Variants in ALK observed in about 807,000 individuals in gnomAD.
The protein encoded by ALK is ALK receptor tyrosine kinase.
In ALK, 74 loss-of-function variants were observed where a neutral mutation model predicts 163.1. The observed-to-expected ratio is 0.45, with a 90% CI of 0.38 to 0.55. ALK has a LOEUF of 0.55. Ranked by LOEUF, ALK falls within the 20% of genes least tolerant of loss-of-function variation. ALK has a pLI of 0.00. For synonymous variants in ALK, 960 were observed against 843.2 expected, an observed-to-expected ratio of 1.14 and a Z score of -2.40; for missense variants, 2,063 against 2,105.3, an observed-to-expected ratio of 0.98 and a Z score of 0.39.
chr2:29,210,827 A>C (rs1314056000), intron 24 of ALK, among the ~76,000 whole-genome samples: 1 of 152,100 alleles, frequency 6.6e-6, no homozygotes, highest in African/African-American at 2.4e-5. Context: ...TCTGCTGTTG[A>C]CTATAGATGA....
intron 1 of ALK, among the ~76,000 whole-genome samples, chr2:29,770,819 G>A (rs1422432198): frequency 6.6e-6 from 1 of 151,896 alleles, no homozygotes; most frequent in South Asian, 2.1e-4. Flanking sequence ...AATAATGAGA[G>A]TGCCAGAAAG....
intron 3 of ALK, among the ~76,000 whole-genome samples, chr2:29,672,938 C>G (rs1198485332): frequency 1.2e-3 from 152 of 132,034 alleles, no homozygotes; most frequent in African/African-American, 4.6e-3. Flanking sequence ...TGATGATGAG[C>G]ATTTTTTCAT....
intron 1 of ALK, among the ~76,000 whole-genome samples, chr2:29,770,517 A>G (rs760645295): frequency 3.3e-5 from 5 of 152,254 alleles, no homozygotes; most frequent in Non-Finnish European, 7.3e-5. Context: ...AAATATGGCA[A>G]TCAAATCAAG....
At chr2:29,516,707 T>A (rs1672675515) in intron 4 of ALK, among the ~76,000 whole-genome samples, 1 of 152,176 alleles carries the variant, frequency 6.6e-6, no homozygotes, top group African/African-American at 2.4e-5. Flanking sequence ...ATTTGTGAAA[T>A]GGGGATAATA....
At chr2:29,206,997 T>G (rs565513298) in intron 26 of ALK, among the ~76,000 whole-genome samples, 174 bp downstream of exon 26, 3 of 152,338 alleles carry the variant, frequency 2.0e-5, no homozygotes, top group African/African-American at 7.2e-5. Context: ...TTAACAAGTC[T>G]TTATGAATTC....
chr2:29,792,962 T>C (rs1207074272), intron 1 of ALK, among the ~76,000 whole-genome samples: 1 of 152,206 alleles, frequency 6.6e-6, no homozygotes, highest in East Asian at 1.9e-4. Context: ...TAATGAAGTT[T>C]GTTGCATCCA....
chr2:29,687,386 T>C (rs1678269691), intron 3 of ALK, among the ~76,000 whole-genome samples: 1 of 152,128 alleles, frequency 6.6e-6, no homozygotes, highest in Non-Finnish European at 1.5e-5. Flanking sequence ...CCTGCTTGTC[T>C]GTCTGCTTGC....
chr2:29,625,384 A>G (rs1676163060), intron 3 of ALK, among the ~76,000 whole-genome samples: 1 of 152,232 alleles, frequency 6.6e-6, no homozygotes, highest in Non-Finnish European at 1.5e-5. Flanking sequence ...GCATTTTCCC[A>G]AAAGCTTTCC....
chr2:29,299,639 G>C (rs1328431131), intron 8 of ALK, among the ~76,000 whole-genome samples: 2 of 152,314 alleles, frequency 1.3e-5, no homozygotes, highest in East Asian at 3.9e-4. Context: ...CTGAAGCATG[G>C]AGGCAGTGGG....
chr2:29,650,447 C>G (rs761741515), intron 3 of ALK, among the ~76,000 whole-genome samples: 2 of 152,288 alleles, frequency 1.3e-5, no homozygotes, highest in East Asian at 3.9e-4. Context: ...AAGGGTAACT[C>G]TCTTTAAGGT....
At chr2:29,502,731 C>T (rs754914358) in intron 4 of ALK, among the ~76,000 whole-genome samples, 15 of 152,074 alleles carry the variant, frequency 9.9e-5, no homozygotes, top group Admixed American at 2.6e-4. Flanking sequence ...GTTTATGCCT[C>T]ATCCTACAAT....
In ALK at chr2:29,870,392, T is replaced by TA. The variant is rs199716316; in HGVS notation, c.667+49600dup. On this transcript the variant is annotated intron_variant, in intron 1 of 28. Transcript: ENST00000389048. Reference sequence around the variant, plus strand: ...TGAACGGGAGAGTGTTACATACTTTTAAAAAACCAGATCTCATAAGAACTC... The same window carrying TA: ...TGAACGGGAGAGTGTTACATACTTTTAAAAAAACCAGATCTCATAAGAACTC... Among the ~76,000 whole-genome samples the TA allele has an allele frequency of 8.4e-3, 1,276 of 152,114 alleles. 16 individuals are homozygous for TA. Among genetic ancestry groups the TA allele is most frequent in the African/African-American group, 0.029 (1,183 of 41,466 alleles).
At position 29,207,032 on chromosome 2, in the gene ALK, C is replaced by G; in HGVS notation, c.3938+139G>C. ...CTGATAGATGCTCACGTTTGAGAAC[C>G]ACTGTTGTCGGGTGTATTGATTCTT... On this transcript the variant is annotated intron_variant, in intron 26 of 28. Transcript: ENST00000389048. The G allele has an allele frequency of 5.5e-6, 4 of 720,832 alleles. No homozygotes were observed. In the South Asian group the frequency reaches 6.0e-5, roughly 11 times the overall value. 44.7% of individuals were successfully genotyped at this position (720,832 alleles called of 1,614,324 possible).
At chr2:29,299,833 C>A (rs1666314340) in intron 8 of ALK, among the ~76,000 whole-genome samples, 1 of 152,236 alleles carries the variant, frequency 6.6e-6, no homozygotes, top group African/African-American at 2.4e-5. Flanking sequence ...TTCCATTTCA[C>A]TCTCCTGCTA....
chr2:29,247,540 G>GCAC (rs1248498234), intron 12 of ALK, among the ~76,000 whole-genome samples: 1 of 152,198 alleles, frequency 6.6e-6, no homozygotes, highest in Non-Finnish European at 1.5e-5. Flanking sequence ...TGCCTGCCCC[G>GCAC]CACCCCCTTC....
At chr2:29,228,510 G>C (rs1439537073) in intron 16 of ALK, among the ~76,000 whole-genome samples, 1 of 152,180 alleles carries the variant, frequency 6.6e-6, no homozygotes, top group South Asian at 2.1e-4. Flanking sequence ...GGAGTAAGGA[G>C]TCCATGAAAC....
rs1669472975 is a variant in ALK, at chr2:29,211,775, GAC to G, written c.3744-1899_3744-1898del. Among the ~76,000 whole-genome samples the G allele has an allele frequency of 8.6e-5, 10 of 115,912 alleles. No homozygotes were observed. In the South Asian group the frequency reaches 2.5e-3, roughly 29 times the overall value. The allele number at this position is 115,912 out of a possible 152,430, so 76.0% of individuals were successfully genotyped here. Reference sequence around the variant, plus strand: ...ACAGATGACCAAATTGCCCCAGAAGGACAGTTTCTGCCAGAAGTTTTCTTTTG... The same window carrying G: ...ACAGATGACCAAATTGCCCCAGAAGGAGTTTCTGCCAGAAGTTTTCTTTTG... On this transcript the variant is annotated intron_variant, in intron 24 of 28. Coordinates refer to ENST00000389048, the MANE Select transcript of ALK (RefSeq NM_004304.5).
intron 8 of ALK, among the ~76,000 whole-genome samples, chr2:29,304,407 A>G (rs534681066): frequency 6.6e-6 from 1 of 151,540 alleles, no homozygotes; most frequent in East Asian, 2.0e-4. Flanking sequence ...GAGGCAGGAA[A>G]TCACTTGAAC....
intron 4 of ALK, among the ~76,000 whole-genome samples, chr2:29,414,071 A>G (rs550157679): frequency 1.2e-4 from 19 of 152,244 alleles, no homozygotes; most frequent in Non-Finnish European, 2.6e-4. Context: ...ATCATCACAT[A>G]CACATGAGCA....
Sources: allele counts gnomAD v4.1 joint callset (sites outside exome capture counted in the v4.1 genomes callset), GRCh38; gene constraint gnomAD v4.1.1; transcripts MANE v1.5; gene names NCBI Gene and HGNC (gene_info 2026-07-23, HGNC 2026-07-21).